RAB27B: variants seen among roughly 807,000 people sequenced by gnomAD.
RAB27B encodes ras-related protein Rab-27B.
In RAB27B, 15 loss-of-function variants were observed where a neutral mutation model predicts 24.6. The ratio of observed to expected loss-of-function variants is 0.61; its 90% CI spans 0.41 to 0.94. The LOEUF (loss-of-function observed/expected upper bound fraction) is 0.94, where lower values mean the gene tolerates loss of function less well. Ranked by LOEUF, RAB27B falls within the 40% of genes least tolerant of loss-of-function variation. RAB27B has a pLI of 0.00. For synonymous variants in RAB27B, 105 were observed against 92.5 expected (o/e 1.14, Z -0.78); for missense variants, 261 against 266.8 (o/e 0.98, Z 0.15).
intron 2 of RAB27B, among the ~76,000 whole-genome samples, chr18:54,804,904 C>CTCTCTTTCCTTCTTTCTTTCTT (rs1555658012): frequency 2.9e-4 from 14 of 48,022 alleles, no homozygotes; most frequent in African/African-American, 6.5e-4. Flanking sequence ...CTTTCTCTCT[C>CTCTCTTTCCTTCTTTCTTTCTT]TCTTTCTTTC....
intron 2 of RAB27B, among the ~76,000 whole-genome samples, chr18:54,735,599 G>A (rs765788525): frequency 2.0e-5 from 3 of 152,006 alleles, no homozygotes; most frequent in Non-Finnish European, 4.4e-5. Flanking sequence ...TGCAACCTCC[G>A]CCTCCTGGGT....
At chr18:54,859,150 A>C (rs1402113259) in intron 1 of RAB27B, among the ~76,000 whole-genome samples, 1 of 152,214 alleles carries the variant, frequency 6.6e-6, no homozygotes, top group East Asian at 1.9e-4. Flanking sequence ...TCCGAGTGCC[A>C]CAAACTCCTT....
At chr18:54,841,715 G>A (rs892368577) in intron 1 of RAB27B, among the ~76,000 whole-genome samples, 1 of 152,170 alleles carries the variant, frequency 6.6e-6, no homozygotes, top group African/African-American at 2.4e-5. Context: ...GTCCACCGTT[G>A]TAAACTAAAT....
rs573316888 is a variant in RAB27B at position 54,787,761 on chromosome 18, A to G, written c.-20+69620A>G. On this transcript the variant is annotated intron_variant, in intron 2 of 4. Coordinates refer to the RAB27B transcript ENST00000586570. ...AAAAAAAACCTTCTCTAACTTGCCA[A>G]TCACTAGTGAGATGGTCCAATGAGG... 8.1e-4 allele frequency among the ~76,000 whole-genome samples: 124 copies of G among 152,242 alleles called. 1 individual carries two copies. The South Asian group carries it at 0.02, about 24-fold the overall frequency.
chr18:54,726,268 G>T (rs942756714), intron 2 of RAB27B, among the ~76,000 whole-genome samples: 14 of 151,514 alleles, frequency 9.2e-5, no homozygotes, highest in African/African-American at 3.4e-4. Context: ...TAGTATTCCA[G>T]TTTAAGTTAT....
At chr18:54,792,484 AT>A (rs1400339720) in intron 2 of RAB27B, among the ~76,000 whole-genome samples, 1 of 152,234 alleles carries the variant, frequency 6.6e-6, no homozygotes, top group Non-Finnish European at 1.5e-5. Context: ...AAACCCCTTT[AT>A]TCATTTGCAT....
At chr18:54,857,484 A>G (rs2145230052) in intron 1 of RAB27B, among the ~76,000 whole-genome samples, 1 of 152,376 alleles carries the variant, frequency 6.6e-6, no homozygotes, top group Non-Finnish European at 1.5e-5. Context: ...AAAAAATTTC[A>G]AATTTGTATG....
chr18:54,762,052 G>C (rs1908207142), intron 2 of RAB27B, among the ~76,000 whole-genome samples: 1 of 152,198 alleles, frequency 6.6e-6, no homozygotes, highest in African/African-American at 2.4e-5. Context: ...TGTGAAGACA[G>C]AGACAGAGAT....
chr18:54,827,870 C>T (rs1910525967), upstream of RAB27B, among the ~76,000 whole-genome samples: 1 of 152,152 alleles, frequency 6.6e-6, no homozygotes, highest in Admixed American at 6.5e-5. Context: ...GTGTTTAGAA[C>T]ACGGCATAGC....
In RAB27B at chr18:54,890,091, A is replaced by G. The variant is rs888832664; in HGVS notation, c.*678A>G. On this transcript the variant is annotated 3_prime_UTR_variant, in exon 6 of 6. Transcript: ENST00000262094. The stretch of plus-strand genomic sequence containing the variant: ...AGAACAGGACTGTAAATGATGAAGT[A>G]CAAGACAAATACCCTGGGAAAAAAA... 1.3e-5 allele frequency: 2 copies of G among 152,114 alleles called. No homozygotes were observed. Among genetic ancestry groups the G allele is most frequent in the Non-Finnish European group, 2.9e-5 (2 of 68,004 alleles). The allele number at this position is 152,114 out of a possible 1,614,324, so 9.4% of individuals were successfully genotyped here.
At chr18:54,791,745 C>T (rs1391529552) in intron 2 of RAB27B, among the ~76,000 whole-genome samples, 2 of 152,180 alleles carry the variant, frequency 1.3e-5, no homozygotes, top group Admixed American at 6.5e-5. Flanking sequence ...GGCGGCCAGA[C>T]GTCAAGAGGA....
At chr18:54,853,882 T>G (rs1911680110) in intron 1 of RAB27B, among the ~76,000 whole-genome samples, 1 of 152,170 alleles carries the variant, frequency 6.6e-6, no homozygotes, top group South Asian at 2.1e-4. Context: ...CCACCCTCTA[T>G]CATTTGTATT....
intron 2 of RAB27B, among the ~76,000 whole-genome samples, chr18:54,774,936 C>A (rs914547856): frequency 6.6e-6 from 1 of 152,170 alleles, no homozygotes; most frequent in African/African-American, 2.4e-5. Flanking sequence ...GAGCCTAGAA[C>A]TATACCTTAA....
chr18:54,783,511 G>A (rs966322028), intron 2 of RAB27B, among the ~76,000 whole-genome samples: 17 of 150,810 alleles, frequency 1.1e-4, no homozygotes, highest in African/African-American at 3.9e-4. Context: ...GTGTGTGTAT[G>A]TATAGCATAA....
chr18:54,833,035 G>A (rs1199105406), intron 1 of RAB27B, among the ~76,000 whole-genome samples: 1 of 152,092 alleles, frequency 6.6e-6, no homozygotes, highest in East Asian at 1.9e-4. Flanking sequence ...GATGAATAAA[G>A]GAAACATATA....
intron 4 of RAB27B, among the ~76,000 whole-genome samples, chr18:54,885,372 G>A (rs1286922464): frequency 6.6e-6 from 1 of 152,076 alleles, no homozygotes; most frequent in Non-Finnish European, 1.5e-5. Context: ...AAAATCCAGA[G>A]TCCTTCACTT....
At chr18:54,719,628 G>A (rs899076102) in intron 2 of RAB27B, among the ~76,000 whole-genome samples, 7 of 152,040 alleles carry the variant, frequency 4.6e-5, no homozygotes, top group African/African-American at 1.7e-4. Context: ...TAGATTGGGG[G>A]TGGTAGTAAA....
chr18:54,865,497 G>A (rs919850318), intron 1 of RAB27B, among the ~76,000 whole-genome samples: 1 of 152,160 alleles, frequency 6.6e-6, no homozygotes, highest in Non-Finnish European at 1.5e-5. Flanking sequence ...CTCTTAAGGT[G>A]CACTATTCCA....
Position 54,848,810 on chromosome 18 carries a change from A to G in RAB27B, c.-20+20110A>G, listed in dbSNP as rs147103330. Among the ~76,000 whole-genome samples the G allele has an allele frequency of 1.0e-3, 158 of 152,286 alleles. 1 individual carries two copies. Among genetic ancestry groups the G allele is most frequent in the African/African-American group, 3.7e-3 (153 of 41,560 alleles). On this transcript the variant is annotated intron_variant, in intron 1 of 5. Coordinates refer to ENST00000262094, the MANE Select transcript of RAB27B (RefSeq NM_004163.4). Reference sequence around the variant, plus strand: ...GGGGTGTCTGTTCCCAGGGAGCTAAAAGTAATGTAAACTCTTTAATTACTT... The same window carrying G: ...GGGGTGTCTGTTCCCAGGGAGCTAAGAGTAATGTAAACTCTTTAATTACTT...
Sources: allele counts gnomAD v4.1 joint callset (sites outside exome capture counted in the v4.1 genomes callset), GRCh38; gene constraint gnomAD v4.1.1; transcripts MANE v1.5; gene names NCBI Gene and HGNC (gene_info 2026-07-23, HGNC 2026-07-21).